Variants in DACH2 observed in about 807,000 individuals in gnomAD.
The protein encoded by DACH2 is dachshund family transcription factor 2.
DACH2 carries 17 observed loss-of-function variants against 35.8 expected under a neutral mutation model. The ratio of observed to expected loss-of-function variants is 0.48; its 90% confidence interval spans 0.33 to 0.71. The LOEUF (loss-of-function observed/expected upper bound fraction) is 0.71, where lower values mean the gene tolerates loss of function less well. Among genes scored for constraint, DACH2 ranks in the 30% least tolerant of loss-of-function variants. The probability of loss-of-function intolerance (pLI) is 0.02; values close to 1 mark genes in which losing one functional copy is unlikely to be tolerated. For missense variants in DACH2, 469 were observed against 472.7 expected, an observed-to-expected ratio of 0.99 and a Z score of 0.07; for synonymous variants, 195 against 177.3, an observed-to-expected ratio of 1.10 and a Z score of -0.79.
intron 3 of DACH2, among the ~76,000 whole-genome samples, chrX:86,612,490 C>T (rs931057386): frequency 1.8e-5 from 2 of 111,417 alleles, no homozygotes; most frequent in Non-Finnish European, 3.8e-5. Context: ...ATTTAGCCTA[C>T]AGGGTCAAGG....
At chrX:86,308,128 A>C (rs1602387522) in intron 1 of DACH2, among the ~76,000 whole-genome samples, 1 of 112,239 alleles carries the variant, frequency 8.9e-6, no homozygotes, top group Non-Finnish European at 1.9e-5. Flanking sequence ...AGACCTGCTC[A>C]TCGCACCTGG....
At chrX:86,429,535 A>AGTTCT in intron 2 of DACH2, among the ~76,000 whole-genome samples, 1 of 101,508 alleles carries the variant, frequency 9.9e-6, no homozygotes, top group East Asian at 3.6e-4. Context: ...TCTAGAGTGC[A>AGTTCT]TTTCTTTTCT....
At chrX:86,635,283 T>C (rs1181010324) in intron 3 of DACH2, among the ~76,000 whole-genome samples, 1 of 100,563 alleles carries the variant, frequency 9.9e-6, no homozygotes, top group African/African-American at 3.7e-5. Context: ...ATTATCTCAA[T>C]AGATGCAGAA....
At chrX:86,773,396 G>GA (rs2042004194) in intron 7 of DACH2, among the ~76,000 whole-genome samples, 1 of 111,538 alleles carries the variant, frequency 9.0e-6, no homozygotes. Context: ...GCTCCTTAAG[G>GA]AAAAAATTCT....
At chrX:86,196,660 T>C (rs1250706823) in intron 1 of DACH2, among the ~76,000 whole-genome samples, 4 of 75,464 alleles carry the variant, frequency 5.3e-5, no homozygotes, top group Non-Finnish European at 9.0e-5. Flanking sequence ...ACCACTGCAC[T>C]CCAGCCTGGG....
intron 7 of DACH2, among the ~76,000 whole-genome samples, chrX:86,790,186 T>C (rs1424918142): frequency 1.8e-5 from 2 of 111,738 alleles, no homozygotes; most frequent in African/African-American, 6.5e-5. Context: ...ATGTCAACTT[T>C]GCAAGATAAT....
At chrX:86,495,390 A>G (rs2038155444) in intron 2 of DACH2, among the ~76,000 whole-genome samples, 1 of 108,451 alleles carries the variant, frequency 9.2e-6, no homozygotes, top group South Asian at 4.0e-4. Flanking sequence ...TTCAAAATCC[A>G]GTGTGTATTT....
At chrX:86,468,797 G>A (rs2037715658) in intron 2 of DACH2, among the ~76,000 whole-genome samples, 3 of 111,267 alleles carry the variant, frequency 2.7e-5, no homozygotes, top group African/African-American at 6.5e-5. Flanking sequence ...ACAGTATGGA[G>A]GTTCCTCAGA....
chrX:86,289,181 G>A (rs897297537), intron 1 of DACH2, among the ~76,000 whole-genome samples: 2 of 108,473 alleles, frequency 1.8e-5, no homozygotes, highest in African/African-American at 6.7e-5. Context: ...ATGTTGCTCA[G>A]GAGGAAGGTC....
At chrX:86,741,566 C>T (rs1424211478) in intron 7 of DACH2, among the ~76,000 whole-genome samples, 2 of 111,782 alleles carry the variant, frequency 1.8e-5, no homozygotes, top group East Asian at 2.8e-4. Context: ...ACATGACAGA[C>T]GTCTTCTAGC....
At chrX:86,184,374 A>G (rs986448728) in intron 1 of DACH2, 3 of 128,620 alleles carry the variant, frequency 2.3e-5, no homozygotes, top group Non-Finnish European at 4.7e-5. Context: ...TGCCTGGCTA[A>G]TTTTTGTATT....
chrX:86,204,634 A>G (rs1003239073), intron 1 of DACH2, among the ~76,000 whole-genome samples: 5 of 111,967 alleles, frequency 4.5e-5, no homozygotes. Context: ...TGGTAAATCG[A>G]TGTTCAGGGG....
intron 2 of DACH2, among the ~76,000 whole-genome samples, chrX:86,490,099 T>C (rs892552761): frequency 1.2e-4 from 14 of 112,137 alleles, no homozygotes; most frequent in African/African-American, 4.2e-4. Flanking sequence ...ATCCATGTGC[T>C]TTTTTATTCA....
intron 1 of DACH2, among the ~76,000 whole-genome samples, chrX:86,263,964 C>A (rs994615203): frequency 3.1e-4 from 35 of 111,933 alleles, no homozygotes; most frequent in Non-Finnish European, 6.0e-4. Flanking sequence ...ATTCAAGAGG[C>A]AATTGATTGT....
At chrX:86,401,670 A>G (rs939920409) in intron 2 of DACH2, among the ~76,000 whole-genome samples, 4 of 109,575 alleles carry the variant, frequency 3.7e-5, no homozygotes, top group Non-Finnish European at 7.6e-5. Context: ...GTTACATTTA[A>G]CTGGCTAACA....
chrX:86,434,871 C>A (rs866720954), intron 2 of DACH2, among the ~76,000 whole-genome samples: 1 of 111,077 alleles, frequency 9.0e-6, no homozygotes, highest in South Asian at 3.8e-4. Context: ...ATAATCATGG[C>A]GGAAGGTAAA....
intron 11 of DACH2, among the ~76,000 whole-genome samples, chrX:86,825,823 A>G (rs1011584948): frequency 8.9e-6 from 1 of 112,073 alleles, no homozygotes; most frequent in Admixed American, 9.5e-5. Flanking sequence ...AGTGGCAGAA[A>G]GAGCACTGAT....
chrX:86,298,169 T>C (rs1041231294), intron 1 of DACH2, among the ~76,000 whole-genome samples: 26 of 111,836 alleles, frequency 2.3e-4, no homozygotes, highest in Non-Finnish European at 4.7e-4. Flanking sequence ...ATTGTAGTAG[T>C]GTGTTGCAGC....
chrX:86,673,357 A>AAAAG (rs2040790508), intron 4 of DACH2, among the ~76,000 whole-genome samples: 1 of 107,807 alleles, frequency 9.3e-6, no homozygotes, highest in Non-Finnish European at 1.9e-5. Context: ...AAAAAAAAAA[A>AAAAG]AAGAAGAAGA....
Sources: gnomAD v4.1 joint callset for allele counts (sites outside exome capture counted in the v4.1 genomes callset) on GRCh38, gnomAD v4.1.1 for gene constraint, MANE v1.5 for transcripts, NCBI Gene and HGNC (gene_info 2026-07-23, HGNC 2026-07-21) for gene names.